The following EHBP1 variants were observed in gnomAD, a reference collection of about 807,000 sequenced individuals.
EHBP1 encodes the protein EH domain binding protein 1, also known as EH domain-binding protein 1.
In EHBP1, 55 loss-of-function variants were observed where a neutral mutation model predicts 144.0. The observed-to-expected ratio is 0.38, with a 90% confidence interval of 0.31 to 0.48. The LOEUF (loss-of-function observed/expected upper bound fraction) is 0.48. Ranked by LOEUF, EHBP1 falls within the 20% of genes least tolerant of loss-of-function variation. The probability of loss-of-function intolerance (pLI) is 0.98; values close to 1 mark genes in which losing one functional copy is unlikely to be tolerated. For missense variants in EHBP1, 1,200 were observed against 1,364.2 expected (o/e 0.88, Z 1.90); for synonymous variants, 469 against 472.7 (o/e 0.99, Z 0.10).
At chr2:63,016,975 C>A (rs2060511441) in intron 19 of EHBP1, among the ~76,000 whole-genome samples, 1 of 152,126 alleles carries the variant, frequency 6.6e-6, no homozygotes, top group Admixed American at 6.5e-5. Context: ...AATATTTAAT[C>A]CATATCATAC....
In EHBP1 at chr2:62,942,801, G is replaced by C. The variant is rs2056838067; in HGVS notation, c.1269G>C (p.Lys423Asn). Residue 423 changes from lysine (K) to asparagine (N), a missense_variant, in exon 11 of 23, where the codon AAG (lysine) becomes AAC (asparagine). This residue lies in a region of EHBP1 where 94 missense variants were observed against 143.0 expected (regional missense o/e 0.66). Transcript: ENST00000431489. ...SLLVWCKEVTKNYRGVKITNF... is the reference protein window; with the variant it reads ...SLLVWCKEVTNNYRGVKITNF... ...TTGTATGGTGTAAAGAAGTTACAAA[G>C]AACTACCGAGGAGTAAAAATCACCA... The C allele has an allele frequency of 1.9e-6, 3 of 1,613,662 alleles. No individual in the cohort carries two copies. The highest frequency in any genetic ancestry group is 1.7e-6 in the Non-Finnish European group (2 of 1,179,842).
At chr2:62,778,140 C>T (rs923484317) in intron 5 of EHBP1, among the ~76,000 whole-genome samples, 6 of 152,136 alleles carry the variant, frequency 3.9e-5, no homozygotes, top group East Asian at 1.9e-4. Context: ...ATAGGAAGTT[C>T]GGCTCCTCCA....
chr2:62,696,666 A>G (rs567850119), intron 1 of EHBP1, among the ~76,000 whole-genome samples: 10 of 151,144 alleles, frequency 6.6e-5, no homozygotes, highest in African/African-American at 2.2e-4. Context: ...GGCGCCAGCC[A>G]CCAGGCCCGG....
rs528792002 is a variant in EHBP1, at chr2:62,886,963, A to G, written c.1185+12431A>G. ...TTGGAATTAGGATTTTCTGTGGGCAATAGAAAGCCTCACATGTCAGCTTAG... is the reference window on the plus strand; with the variant it reads ...TTGGAATTAGGATTTTCTGTGGGCAGTAGAAAGCCTCACATGTCAGCTTAG... On this transcript the variant is annotated intron_variant, in intron 10 of 22. Transcript: ENST00000431489. Among the ~76,000 whole-genome samples the G allele has an allele frequency of 1.6e-4, 25 of 152,306 alleles. 1 individual carries two copies. The South Asian group carries it at 4.8e-3, about 29-fold the overall frequency.
In EHBP1 at chr2:62,979,178, T is replaced by C. The variant is rs1167591426; in HGVS notation, c.2461-10T>C. 4.3e-6 allele frequency: 7 copies of C among 1,609,638 alleles called. No individual in the cohort carries two copies. Among genetic ancestry groups the C allele is most frequent in the Non-Finnish European group, 5.1e-6 (6 of 1,177,820 alleles). ...AATTACTGAGTTGGCAACTGTTCAA[T>C]ATATCTTAGCAGCAAGATGAAGAGC... On this transcript the variant is annotated splice_polypyrimidine_tract_variant and intron_variant, in intron 14 of 22. Coordinates refer to ENST00000431489, the MANE Select transcript of EHBP1 (RefSeq NM_001142616.3).
At chr2:62,757,227 C>T (rs1196313984) in intron 3 of EHBP1, among the ~76,000 whole-genome samples, 1 of 151,716 alleles carries the variant, frequency 6.6e-6, no homozygotes, top group African/African-American at 2.4e-5. Flanking sequence ...TCCCTGGGCT[C>T]AGGTGATCCT....
At chr2:62,900,480 G>T (rs1032625986) in intron 10 of EHBP1, among the ~76,000 whole-genome samples, 2 of 151,932 alleles carry the variant, frequency 1.3e-5, no homozygotes, top group Non-Finnish European at 1.5e-5. Context: ...AATTAGGTGG[G>T]TGTGGTGGTG....
At chr2:62,696,091 T>C (rs541689225) in intron 1 of EHBP1, among the ~76,000 whole-genome samples, 35 of 152,256 alleles carry the variant, frequency 2.3e-4, no homozygotes, top group Non-Finnish European at 4.6e-4. Flanking sequence ...TACATTAACA[T>C]AAAGCTGTTT....
At chr2:62,865,530 T>C (rs777142614) in intron 9 of EHBP1, among the ~76,000 whole-genome samples, 7 of 152,240 alleles carry the variant, frequency 4.6e-5, no homozygotes, top group Admixed American at 6.5e-5. Flanking sequence ...TCTGGAGTTA[T>C]ACAGTTCATA....
At chr2:62,939,246 G>A (rs1227237606) in intron 10 of EHBP1, among the ~76,000 whole-genome samples, 4 of 152,056 alleles carry the variant, frequency 2.6e-5, no homozygotes, top group African/African-American at 9.7e-5. Context: ...GCTGAATTGG[G>A]GTTGGATGAT....
At chr2:62,842,668 T>G (rs994739450) in intron 7 of EHBP1, among the ~76,000 whole-genome samples, 1 of 152,220 alleles carries the variant, frequency 6.6e-6, no homozygotes, top group African/African-American at 2.4e-5. Flanking sequence ...CATTTTCCTA[T>G]AGACTGAGTT....
chr2:62,783,057 A>G (rs1446123653), intron 5 of EHBP1, among the ~76,000 whole-genome samples: 3 of 152,342 alleles, frequency 2.0e-5, no homozygotes, highest in East Asian at 3.9e-4. Flanking sequence ...TGACCAAAAC[A>G]AAGGGGATAC....
chr2:62,939,731 C>T (rs1363971786), intron 10 of EHBP1, among the ~76,000 whole-genome samples: 1 of 151,506 alleles, frequency 6.6e-6, no homozygotes, highest in African/African-American at 2.4e-5. Context: ...GGAAATGGAG[C>T]AATCTGAGAG....
chr2:62,874,414 T>C lies in EHBP1; in HGVS notation c.1067T>C (p.Leu356Pro). Residue 356 changes from leucine (L) to proline (P), a missense_variant, in exon 10 of 23, where the codon CTA (leucine) becomes CCA (proline). Physicochemically the swap from Leu to Pro is moderately conservative, Grantham distance 98 (BLOSUM62 -3). Transcript: ENST00000431489. ...PNNLVNPVQE[L>P]ETERRVKRKA... is the part of the protein sequence containing the mutation. ...AATTTGGTAAATCCTGTTCAAGAACTAGAAACTGAAAGGCGAGTGAAAAGA... is the reference window on the plus strand; with the variant it reads ...AATTTGGTAAATCCTGTTCAAGAACCAGAAACTGAAAGGCGAGTGAAAAGA... 1.9e-6 allele frequency: 3 copies of C among 1,613,646 alleles called. No individual in the cohort carries two copies. Among genetic ancestry groups the C allele is most frequent in the Non-Finnish European group, 2.5e-6 (3 of 1,179,694 alleles).
intron 5 of EHBP1, among the ~76,000 whole-genome samples, chr2:62,780,685 GTAT>G (rs914200099): frequency 6.6e-6 from 1 of 152,086 alleles, no homozygotes; most frequent in Non-Finnish European, 1.5e-5. Flanking sequence ...CAACTATACT[GTAT>G]TTATCTTTGT....
intron 14 of EHBP1, among the ~76,000 whole-genome samples, chr2:62,968,199 C>T (rs991807288): frequency 6.6e-6 from 1 of 152,036 alleles, no homozygotes; most frequent in Admixed American, 6.6e-5. Flanking sequence ...ATAAGTAATA[C>T]TACTAGCATA....
At chr2:62,962,204 T>C (rs1029951324) in intron 14 of EHBP1, among the ~76,000 whole-genome samples, 4 of 152,084 alleles carry the variant, frequency 2.6e-5, no homozygotes, top group African/African-American at 9.7e-5. Flanking sequence ...CTCACGCCTC[T>C]AGTCCCAGCT....
chr2:62,979,121 G>T, intron 14 of EHBP1, 67 bp from the exon 15 acceptor site: 2 of 1,514,256 alleles, frequency 1.3e-6, no homozygotes, highest in South Asian at 1.3e-5. Context: ...CTATCATGAT[G>T]ATCAGATTGA....
intron 5 of EHBP1, among the ~76,000 whole-genome samples, chr2:62,820,543 G>C (rs2045861934): frequency 6.6e-6 from 1 of 151,226 alleles, no homozygotes; most frequent in Non-Finnish European, 1.5e-5. Flanking sequence ...CCAGCACCTG[G>C]TAACCGCTAT....
Sources: allele counts gnomAD v4.1 joint callset (sites outside exome capture counted in the v4.1 genomes callset), GRCh38; gene constraint gnomAD v4.1.1; regional missense constraint gnomAD v4.1.1; transcripts MANE v1.5; gene names NCBI Gene and HGNC (gene_info 2026-07-23, HGNC 2026-07-21).